HSD17B12: variants seen among roughly 807,000 people sequenced by gnomAD.
The protein encoded by HSD17B12 is very-long-chain 3-oxoacyl-CoA reductase.
In HSD17B12, 32 loss-of-function variants were observed where a neutral mutation model predicts 39.3. That is an observed-to-expected ratio of 0.81 (90% CI 0.61 to 1.09). HSD17B12 has a LOEUF of 1.09. HSD17B12 is among the 50% of genes least tolerant of loss of function. HSD17B12 has a pLI of 0.00. For synonymous variants in HSD17B12, 150 were observed against 146.7 expected, an observed-to-expected ratio of 1.02 and a Z score of -0.16; for missense variants, 342 against 382.9, an observed-to-expected ratio of 0.89 and a Z score of 0.89.
chr11:43,637,197 A>G, the HSD17B12 span, among the ~76,000 whole-genome samples: 3 of 150,160 alleles, frequency 2.0e-5, no homozygotes, highest in Non-Finnish European at 4.4e-5. Context: ...TGACTGGATA[A>G]GTGGACACTG....
chr11:43,824,824 C>G (rs12790263), intron 6 of HSD17B12, among the ~76,000 whole-genome samples: 1 of 152,092 alleles, frequency 6.6e-6, no homozygotes, highest in Non-Finnish European at 1.5e-5. Context: ...AGTGAAACCC[C>G]ATCTCTACCA....
intron 3 of HSD17B12, among the ~76,000 whole-genome samples, chr11:43,793,852 A>T (rs1449847406): frequency 6.6e-6 from 1 of 152,202 alleles, no homozygotes; most frequent in Non-Finnish European, 1.5e-5. Context: ...GATATTCATT[A>T]TTCTATAGCA....
At chr11:43,690,404 A>ATATATTTTTTTTTTTTTTT (rs1554959942) in intron 1 of HSD17B12, among the ~76,000 whole-genome samples, 1 of 24,960 alleles carries the variant, frequency 4.0e-5, no homozygotes, top group Non-Finnish European at 6.9e-5. Flanking sequence ...ATATATATAT[A>ATATATTTTTTTTTTTTTTT]TTTTTTTTTT....
At chr11:43,589,158 A>ATAATGTTT in the HSD17B12 span, among the ~76,000 whole-genome samples, 1 of 152,184 alleles carries the variant, frequency 6.6e-6, no homozygotes, top group Non-Finnish European at 1.5e-5. Context: ...GCTATCGTAA[A>ATAATGTTT]TAATGTTTTC....
the HSD17B12 span, among the ~76,000 whole-genome samples, chr11:43,641,747 A>G: frequency 6.6e-6 from 1 of 152,052 alleles, no homozygotes; most frequent in Non-Finnish European, 1.5e-5. Flanking sequence ...AACTCATTCT[A>G]TTTTTGGCAA....
At chr11:43,734,488 C>T (rs1950298623) in intron 1 of HSD17B12, 1 of 632,170 alleles carries the variant, frequency 1.6e-6, no homozygotes, top group East Asian at 3.3e-5. Context: ...TCGTGGAGGA[C>T]ATTGCATACC....
the HSD17B12 span, chr11:43,646,345 A>G: frequency 1.3e-5 from 2 of 152,218 alleles, no homozygotes; most frequent in Non-Finnish European, 2.9e-5. Context: ...CTAACTTGAC[A>G]ATTGAATAAA....
chr11:43,659,351 G>A, the HSD17B12 span, among the ~76,000 whole-genome samples: 11 of 152,314 alleles, frequency 7.2e-5, no homozygotes, highest in Admixed American at 2.6e-4. Flanking sequence ...CAGGTGAGGC[G>A]ATGCCTTGCC....
the HSD17B12 span, among the ~76,000 whole-genome samples, chr11:43,659,867 C>T: frequency 6.6e-6 from 1 of 152,186 alleles, no homozygotes; most frequent in Non-Finnish European, 1.5e-5. Context: ...GCACTGCAGG[C>T]TGAGACTTAT....
chr11:43,588,188 T>A, the HSD17B12 span, among the ~76,000 whole-genome samples: 8 of 152,322 alleles, frequency 5.3e-5, no homozygotes, highest in Admixed American at 1.3e-4. Flanking sequence ...ATTTTAGAAC[T>A]GATCAGCTAC....
At chr11:43,756,261 C>CT (rs1950507220) in intron 3 of HSD17B12, among the ~76,000 whole-genome samples, 1 of 150,508 alleles carries the variant, frequency 6.6e-6, no homozygotes, top group African/African-American at 2.4e-5. Flanking sequence ...GAGTACAGAT[C>CT]TTTACAAAGC....
intron 1 of HSD17B12, among the ~76,000 whole-genome samples, chr11:43,716,471 A>G (rs995393047): frequency 6.6e-6 from 1 of 152,066 alleles, no homozygotes; most frequent in Non-Finnish European, 1.5e-5. Context: ...GGCAGTTGCG[A>G]TTTCATCTTC....
chr11:43,827,718 T>C (rs1315150299), intron 6 of HSD17B12, among the ~76,000 whole-genome samples: 1 of 152,224 alleles, frequency 6.6e-6, no homozygotes, highest in Non-Finnish European at 1.5e-5. Flanking sequence ...AATCTAATCA[T>C]CTAAATAATC....
chr11:43,788,328 C>G (rs1950835136), intron 3 of HSD17B12, among the ~76,000 whole-genome samples: 1 of 152,106 alleles, frequency 6.6e-6, no homozygotes, highest in Non-Finnish European at 1.5e-5. Context: ...AAAAAAAATG[C>G]TGAGACATAA....
chr11:43,698,306 T>C (rs759253065), intron 1 of HSD17B12, among the ~76,000 whole-genome samples: 4 of 152,182 alleles, frequency 2.6e-5, no homozygotes, highest in Non-Finnish European at 5.9e-5. Context: ...CAGGCAGTCT[T>C]ACTGTAGATT....
chr11:43,845,037 A>T (rs1424324467), intron 9 of HSD17B12, among the ~76,000 whole-genome samples: 1 of 152,214 alleles, frequency 6.6e-6, no homozygotes, highest in Non-Finnish European at 1.5e-5. Flanking sequence ...TCTGTCACCC[A>T]GGCTGGAGTG....
chr11:43,725,309 A>C (rs1401559509), intron 1 of HSD17B12, among the ~76,000 whole-genome samples: 1 of 152,254 alleles, frequency 6.6e-6, no homozygotes, highest in African/African-American at 2.4e-5. Context: ...AGGTTAAAAA[A>C]GATGATGCTT....
intron 3 of HSD17B12, among the ~76,000 whole-genome samples, chr11:43,781,034 T>C (rs1428551831): frequency 6.6e-6 from 1 of 152,206 alleles, no homozygotes; most frequent in Non-Finnish European, 1.5e-5. Context: ...ACTGTGTTTT[T>C]GGCTTTGGTG....
chr11:43,730,065 TAAGAG>T (rs1407923361), intron 1 of HSD17B12, among the ~76,000 whole-genome samples: 1 of 152,058 alleles, frequency 6.6e-6, no homozygotes, highest in African/African-American at 2.4e-5. Context: ...TTAATAAAGA[TAAGAG>T]AAGTCATTAC....
Sources: allele counts gnomAD v4.1 joint callset (sites outside exome capture counted in the v4.1 genomes callset), GRCh38; gene constraint gnomAD v4.1.1; transcripts MANE v1.5; gene names NCBI Gene and HGNC (gene_info 2026-07-23, HGNC 2026-07-21).